Variants in PLCB4 observed in about 807,000 individuals in gnomAD.
PLCB4 encodes the protein phospholipase C beta 4.
PLCB4 carries 77 observed loss-of-function variants against 178.8 expected under a neutral mutation model. The ratio of observed to expected loss-of-function variants is 0.43; its 90% confidence interval spans 0.36 to 0.52. The LOEUF is 0.52. Among genes scored for constraint, PLCB4 ranks in the 20% least tolerant of loss-of-function variants. The pLI, the probability that PLCB4 is intolerant of heterozygous loss-of-function variation, is 0.00. For missense variants in PLCB4, 1,024 were observed against 1,453.4 expected (o/e 0.70, Z 4.80); for synonymous variants, 496 against 490.8 (o/e 1.01, Z -0.14).
At chr20:9,356,902 G>A (rs1259784505) in intron 7 of PLCB4, among the ~76,000 whole-genome samples, 1 of 152,102 alleles carries the variant, frequency 6.6e-6, no homozygotes, top group African/African-American at 2.4e-5. Flanking sequence ...CATAGCTTGA[G>A]CCCAGGAGTT....
At chr20:9,352,620 T>A (rs1369496714) in intron 7 of PLCB4, among the ~76,000 whole-genome samples, 1 of 152,232 alleles carries the variant, frequency 6.6e-6, no homozygotes, top group Non-Finnish European at 1.5e-5. Context: ...TAGACTGTTT[T>A]GACTCTCTGG....
At chr20:9,210,852 G>A (rs1471814141) in intron 2 of PLCB4, among the ~76,000 whole-genome samples, 1 of 152,106 alleles carries the variant, frequency 6.6e-6, no homozygotes, top group Non-Finnish European at 1.5e-5. Context: ...TAGAAGTTTT[G>A]TCTGTTTTTT....
chr20:9,223,131 GA>G (rs975511317), intron 3 of PLCB4, among the ~76,000 whole-genome samples: 4 of 151,962 alleles, frequency 2.6e-5, no homozygotes, highest in East Asian at 1.9e-4. Flanking sequence ...ATTTCAATGG[GA>G]AAAAAATCTA....
intron 2 of PLCB4, among the ~76,000 whole-genome samples, chr20:9,161,169 A>G (rs975915483): frequency 3.0e-4 from 46 of 152,196 alleles, no homozygotes; most frequent in African/African-American, 1.1e-3. Context: ...AAGGTTTGTA[A>G]TTAGTCCAAT....
intron 2 of PLCB4, among the ~76,000 whole-genome samples, chr20:9,099,386 G>T (rs1248044579): frequency 6.6e-6 from 1 of 152,156 alleles, no homozygotes; most frequent in East Asian, 1.9e-4. Flanking sequence ...CCATTTTCTT[G>T]TATGGTAGCT....
At chr20:9,202,897 C>G (rs1348357175) in intron 2 of PLCB4, among the ~76,000 whole-genome samples, 2 of 151,738 alleles carry the variant, frequency 1.3e-5, no homozygotes, top group Admixed American at 6.6e-5. Context: ...TGTTCTGGGT[C>G]ATGAAAAGTT....
At chr20:9,103,086 G>A (rs1036063450) in intron 2 of PLCB4, among the ~76,000 whole-genome samples, 1 of 149,840 alleles carries the variant, frequency 6.7e-6, no homozygotes, top group Non-Finnish European at 1.5e-5. Flanking sequence ...GTGCAGTGGC[G>A]GGATCTCGGC....
At chr20:9,407,368 A>G (rs1327126909) in intron 21 of PLCB4, among the ~76,000 whole-genome samples, 2 of 147,326 alleles carry the variant, frequency 1.4e-5, no homozygotes, top group South Asian at 2.1e-4. Context: ...CAATATAGTA[A>G]TTTCTTTTTT....
At chr20:9,124,874 A>T (rs1436886419) in intron 2 of PLCB4, among the ~76,000 whole-genome samples, 2 of 152,202 alleles carry the variant, frequency 1.3e-5, no homozygotes, top group African/African-American at 4.8e-5. Flanking sequence ...TTTGTAATTG[A>T]CAATTGTTTT....
intron 18 of PLCB4, 95 bp downstream of exon 18, chr20:9,393,773 T>C: frequency 1.2e-6 from 1 of 818,888 alleles, no homozygotes; most frequent in East Asian, 2.5e-5. Flanking sequence ...ACCACTGATT[T>C]TTGGGGGAAG....
intron 3 of PLCB4, among the ~76,000 whole-genome samples, chr20:9,225,502 T>C (rs1391877367): frequency 6.6e-6 from 1 of 152,220 alleles, no homozygotes; most frequent in Non-Finnish European, 1.5e-5. Flanking sequence ...TGCCCTTAGA[T>C]TTTGTAGTTT....
At chr20:9,192,821 T>A (rs1476671429) in intron 2 of PLCB4, among the ~76,000 whole-genome samples, 2 of 151,470 alleles carry the variant, frequency 1.3e-5, no homozygotes, top group Non-Finnish European at 2.9e-5. Flanking sequence ...GAAAAAAAAA[T>A]GTCAAGACAG....
chr20:9,213,862 A>C (rs2093700023), intron 2 of PLCB4, among the ~76,000 whole-genome samples: 1 of 152,236 alleles, frequency 6.6e-6, no homozygotes, highest in African/African-American at 2.4e-5. Flanking sequence ...AGTGGCTATG[A>C]AGCAGTATCT....
At chr20:9,087,998 C>T (rs569601023) in intron 1 of PLCB4, among the ~76,000 whole-genome samples, 2 of 152,202 alleles carry the variant, frequency 1.3e-5, no homozygotes, top group East Asian at 1.9e-4. Context: ...CATCAGACCC[C>T]GAGGGCACAG....
chr20:9,102,025 A>G (rs2091175858), intron 2 of PLCB4, among the ~76,000 whole-genome samples: 1 of 151,866 alleles, frequency 6.6e-6, no homozygotes, highest in African/African-American at 2.4e-5. Flanking sequence ...TTGTATTTTT[A>G]GTAGAGACAG....
At chr20:9,282,747 G>T (rs1459720092) in intron 3 of PLCB4, among the ~76,000 whole-genome samples, 1 of 152,090 alleles carries the variant, frequency 6.6e-6, no homozygotes, top group Admixed American at 6.5e-5. Flanking sequence ...TTGTTGAGTG[G>T]TTTTTCTGGC....
intron 2 of PLCB4, among the ~76,000 whole-genome samples, chr20:9,158,378 C>T (rs987104550): frequency 6.6e-6 from 1 of 151,784 alleles, no homozygotes; most frequent in Non-Finnish European, 1.5e-5. Flanking sequence ...TGATCCTCCT[C>T]CATCAGCCTC....
At chr20:9,371,390 A>C (rs2148295319) in intron 10 of PLCB4, 95 bp downstream of exon 10, 1 of 658,188 alleles carries the variant, frequency 1.5e-6, no homozygotes, top group East Asian at 2.7e-5. Context: ...AACTGATCTA[A>C]ATTAGATTTG....
In PLCB4 at chr20:9,423,961, A is replaced by C. The variant is rs761860179; in HGVS notation, c.2524+9A>C. 5.9e-6 allele frequency: 9 copies of C among 1,537,172 alleles called. No homozygotes were observed. The highest frequency in any genetic ancestry group is 8.1e-6 in the Non-Finnish European group (9 of 1,112,768). ...GCCTGATGGATTTGGAGGTAAGATA[A>C]ACATTTGGGTACGGAATATGATATA... On this transcript the variant is annotated intron_variant, in intron 28 of 39. Coordinates refer to ENST00000378473, the MANE Select transcript of PLCB4 (RefSeq NM_001377142.1).
Sources: allele counts gnomAD v4.1 joint callset (sites outside exome capture counted in the v4.1 genomes callset), GRCh38; gene constraint gnomAD v4.1.1; transcripts MANE v1.5; gene names NCBI Gene and HGNC (gene_info 2026-07-23, HGNC 2026-07-21).